TMEM132C: variants seen among roughly 807,000 people sequenced by gnomAD.
TMEM132C encodes the protein protein phosphatase 1, regulatory subunit 152.
TMEM132C carries 29 observed loss-of-function variants against 61.4 expected under a neutral mutation model. That is an observed-to-expected ratio of 0.47 (90% CI 0.35 to 0.64). The LOEUF (loss-of-function observed/expected upper bound fraction) is 0.64. Ranked by LOEUF, TMEM132C falls within the 30% of genes least tolerant of loss-of-function variation. The probability of loss-of-function intolerance (pLI) is 0.00; values close to 1 mark genes in which losing one functional copy is unlikely to be tolerated. For synonymous variants in TMEM132C, 656 were observed against 633.1 expected (o/e 1.04, Z -0.54); for missense variants, 1,408 against 1,476.9 (o/e 0.95, Z 0.76).
intron 2 of TMEM132C, among the ~76,000 whole-genome samples, chr12:128,475,000 G>A (rs78366577): frequency 1.3e-5 from 2 of 152,162 alleles, no homozygotes; most frequent in Admixed American, 6.5e-5. Context: ...ACTTCTCCCC[G>A]CAGAGCACAG....
At chr12:128,476,313 G>A (rs534780888) in intron 2 of TMEM132C, among the ~76,000 whole-genome samples, 3 of 152,302 alleles carry the variant, frequency 2.0e-5, no homozygotes, top group East Asian at 3.9e-4. Flanking sequence ...CGGTTGCAGC[G>A]TGCACATGGC....
In TMEM132C at chr12:128,705,545, G is replaced by A. The variant is rs533520102; in HGVS notation, c.2577G>A (p.Thr859=). The A allele has an allele frequency of 1.5e-4, 234 of 1,551,060 alleles. No individual in the cohort carries two copies. The East Asian group carries it at 5.1e-3, about 34-fold the overall frequency. Residue 859 remains threonine, a synonymous_variant, in exon 9 of 9, where the codon ACG becomes ACA. Transcript: ENST00000435159. The part of the protein sequence containing the change: ...EEGALRRATT[T]ARSLLDNKVV... ...GGGCTCTCCGAAGAGCCACTACCAC[G>A]GCCAGGTCCCTGCTGGACAACAAAG... is the stretch of plus-strand genomic sequence containing the variant.
chr12:128,450,760 A>G (rs890764908), intron 2 of TMEM132C, among the ~76,000 whole-genome samples: 1 of 152,242 alleles, frequency 6.6e-6, no homozygotes, highest in African/African-American at 2.4e-5. Flanking sequence ...AAATACTGCA[A>G]AATGAATAAG....
intron 3 of TMEM132C, among the ~76,000 whole-genome samples, chr12:128,587,008 G>A (rs1185670555): frequency 2.6e-5 from 4 of 152,208 alleles, no homozygotes; most frequent in South Asian, 2.1e-4. Flanking sequence ...CATATTCACA[G>A]ATACGTTGGG....
intron 2 of TMEM132C, among the ~76,000 whole-genome samples, chr12:128,467,213 G>A (rs987271242): frequency 6.6e-6 from 1 of 152,318 alleles, no homozygotes; most frequent in South Asian, 2.1e-4. Context: ...CTCCGGGTAT[G>A]TTGGGGTGGT....
intron 2 of TMEM132C, among the ~76,000 whole-genome samples, chr12:128,419,672 G>A (rs995056482): frequency 6.9e-6 from 1 of 145,116 alleles, no homozygotes; most frequent in African/African-American, 2.6e-5. Context: ...TGCTTTCATT[G>A]TTTATGGTTA....
intron 2 of TMEM132C, among the ~76,000 whole-genome samples, chr12:128,443,838 C>T (rs1337196817): frequency 6.6e-6 from 1 of 152,230 alleles, no homozygotes; most frequent in Admixed American, 6.5e-5. Flanking sequence ...CGTCCTCTGT[C>T]TTCACAAAGT....
At chr12:128,550,024 C>T (rs572177865) in intron 3 of TMEM132C, among the ~76,000 whole-genome samples, 1 of 152,312 alleles carries the variant, frequency 6.6e-6, no homozygotes, top group East Asian at 1.9e-4. Flanking sequence ...ACTGCTCCAC[C>T]CTGGTTCCCG....
intron 2 of TMEM132C, among the ~76,000 whole-genome samples, chr12:128,449,370 G>A (rs1042158284): frequency 6.6e-6 from 1 of 152,052 alleles, no homozygotes; most frequent in Non-Finnish European, 1.5e-5. Context: ...GTCCCCGGAG[G>A]CGTTTTTGTT....
At chr12:128,389,588 C>G (rs1354650875) in intron 1 of TMEM132C, among the ~76,000 whole-genome samples, 1 of 152,196 alleles carries the variant, frequency 6.6e-6, no homozygotes. Context: ...AGTAGGTGCT[C>G]AGCCAATGTG....
intron 4 of TMEM132C, among the ~76,000 whole-genome samples, chr12:128,651,262 A>G (rs898288802): frequency 6.6e-6 from 1 of 152,118 alleles, no homozygotes; most frequent in African/African-American, 2.4e-5. Context: ...TCATTCCTGG[A>G]TTGCAGAGTC....
At chr12:128,514,429 C>T (rs995886658) in intron 2 of TMEM132C, among the ~76,000 whole-genome samples, 7 of 152,016 alleles carry the variant, frequency 4.6e-5, no homozygotes, top group East Asian at 1.9e-4. Context: ...GTAATTTGCC[C>T]AAGGCCAGAT....
chr12:128,521,740 A>G (rs1306243909), intron 2 of TMEM132C, among the ~76,000 whole-genome samples: 1 of 152,164 alleles, frequency 6.6e-6, no homozygotes, highest in Non-Finnish European at 1.5e-5. Flanking sequence ...GAGAAGGCAG[A>G]AGTTACAAAT....
chr12:128,605,650 A>G (rs530789922), intron 3 of TMEM132C, among the ~76,000 whole-genome samples: 61 of 152,240 alleles, frequency 4.0e-4, no homozygotes, highest in African/African-American at 1.4e-3. Flanking sequence ...CATCACGTCA[A>G]ACCACCTCCT....
At chr12:128,477,146 G>C (rs1871177206) in intron 2 of TMEM132C, among the ~76,000 whole-genome samples, 1 of 152,148 alleles carries the variant, frequency 6.6e-6, no homozygotes, top group Non-Finnish European at 1.5e-5. Context: ...AGGCTGCCTG[G>C]GGGAGGGAAC....
chr12:128,375,759 G>A (rs1371212310), intron 1 of TMEM132C, among the ~76,000 whole-genome samples: 1 of 152,170 alleles, frequency 6.6e-6, no homozygotes, highest in Non-Finnish European at 1.5e-5. Context: ...AAACCCAAGG[G>A]AAGTGTGGGA....
intron 3 of TMEM132C, among the ~76,000 whole-genome samples, chr12:128,610,611 T>C (rs1485628946): frequency 6.6e-6 from 1 of 152,178 alleles, no homozygotes; most frequent in Non-Finnish European, 1.5e-5. Context: ...TTCCTCTCTT[T>C]ATTACTCCAA....
intron 5 of TMEM132C, among the ~76,000 whole-genome samples, chr12:128,679,832 T>C (rs991355683): frequency 6.6e-6 from 1 of 152,110 alleles, no homozygotes; most frequent in African/African-American, 2.4e-5. Flanking sequence ...TTGTAGATGC[T>C]ATGGAGAAAA....
At chr12:128,654,957 C>T (rs1954309402) in intron 4 of TMEM132C, among the ~76,000 whole-genome samples, 2 of 152,170 alleles carry the variant, frequency 1.3e-5, no homozygotes, top group African/African-American at 4.8e-5. Flanking sequence ...TGTCCCCTGC[C>T]CTGCCACCTC....
Sources: gnomAD v4.1 joint callset for allele counts (sites outside exome capture counted in the v4.1 genomes callset) on GRCh38, gnomAD v4.1.1 for gene constraint, MANE v1.5 for transcripts, NCBI Gene and HGNC (gene_info 2026-07-23, HGNC 2026-07-21) for gene names.